Variants in MAGI2 observed in about 807,000 individuals in gnomAD.
MAGI2 encodes membrane-associated guanylate kinase, WW and PDZ domain-containing protein 2.
MAGI2 carries 35 observed loss-of-function variants against 133.3 expected under a neutral mutation model. The observed-to-expected ratio is 0.26, with a 90% CI of 0.20 to 0.35. The LOEUF (loss-of-function observed/expected upper bound fraction) is 0.35, where lower values mean the gene tolerates loss of function less well. Among genes scored for constraint, MAGI2 ranks in the 10% least tolerant of loss-of-function variants. The pLI is 1.00. For synonymous variants in MAGI2, 729 were observed against 710.6 expected, an observed-to-expected ratio of 1.03 and a Z score of -0.41; for missense variants, 1,636 against 1,863.4, an observed-to-expected ratio of 0.88 and a Z score of 2.25.
Position 78,340,960 on chromosome 7 carries a change from A to C in MAGI2, c.1408+2818T>G, listed in dbSNP as rs1477951993. ...TAGTATTGGAAGTTCTGGCTGGGGC[A>C]ATCAGGCAAAAGAAAGAAATAAAGC... On this transcript the variant is annotated intron_variant, in intron 9 of 21. Transcript: ENST00000354212. Among the ~76,000 whole-genome samples, 29 of 152,212 alleles carry C rather than the reference A, an allele frequency of 1.9e-4. 1 individual carries two copies. The highest frequency in any genetic ancestry group is 1.9e-3 in the Admixed American group (29 of 15,280).
At chr7:78,798,680 G>A (rs1043575219) in intron 2 of MAGI2, among the ~76,000 whole-genome samples, 2 of 152,052 alleles carry the variant, frequency 1.3e-5, no homozygotes, top group South Asian at 2.1e-4. Context: ...AATGGAGAAC[G>A]GCCCATTCCT....
At chr7:78,245,912 G>T (rs932635781) in intron 10 of MAGI2, among the ~76,000 whole-genome samples, 1 of 152,118 alleles carries the variant, frequency 6.6e-6, no homozygotes, top group Non-Finnish European at 1.5e-5. Context: ...GCTAGGTTAT[G>T]TCCTGCTCTC....
At chr7:78,164,531 G>T (rs1477851757) in intron 15 of MAGI2, among the ~76,000 whole-genome samples, 2 of 152,212 alleles carry the variant, frequency 1.3e-5, no homozygotes, top group Non-Finnish European at 2.9e-5. Flanking sequence ...TTATTTAAAT[G>T]GGTGACATGG....
chr7:78,704,460 T>C (rs1004410085), intron 2 of MAGI2, among the ~76,000 whole-genome samples: 111 of 152,210 alleles, frequency 7.3e-4, no homozygotes, highest in African/African-American at 2.4e-3. Context: ...ACTTACACGC[T>C]GTTGGTACAA....
chr7:78,774,175 G>A (rs1049598067), intron 2 of MAGI2, among the ~76,000 whole-genome samples: 1 of 152,076 alleles, frequency 6.6e-6, no homozygotes, highest in South Asian at 2.1e-4. Flanking sequence ...AGAACATCTG[G>A]GGATAGAAAC....
At chr7:78,571,384 A>G (rs1801481609) in intron 3 of MAGI2, among the ~76,000 whole-genome samples, 1 of 152,224 alleles carries the variant, frequency 6.6e-6, no homozygotes, top group Admixed American at 6.5e-5. Flanking sequence ...AATAAAGAAC[A>G]TTTGGGGAAT....
intron 1 of MAGI2, among the ~76,000 whole-genome samples, chr7:79,365,040 A>G (rs1328054179): frequency 6.6e-6 from 1 of 152,148 alleles, no homozygotes; most frequent in Non-Finnish European, 1.5e-5. Context: ...CTCAAAATAT[A>G]ACATTGGGAA....
chr7:78,178,581 A>AGTGT (rs3840593), intron 13 of MAGI2, among the ~76,000 whole-genome samples: 1,633 of 149,556 alleles, frequency 0.011, 9 homozygotes, highest in East Asian at 0.028. Flanking sequence ...CCAGTTTAGG[A>AGTGT]GTGTGTGTGT....
intron 3 of MAGI2, among the ~76,000 whole-genome samples, chr7:78,561,985 C>T (rs866736508): frequency 1.3e-5 from 2 of 152,232 alleles, no homozygotes; most frequent in Non-Finnish European, 2.9e-5. Context: ...TCAGGACACA[C>T]CTGCTCCCCT....
intron 1 of MAGI2, among the ~76,000 whole-genome samples, chr7:79,365,212 C>T (rs1420627407): frequency 6.6e-6 from 1 of 152,036 alleles, no homozygotes; most frequent in Non-Finnish European, 1.5e-5. Flanking sequence ...TTCAGAATAG[C>T]TAAATTTAAA....
intron 9 of MAGI2, among the ~76,000 whole-genome samples, chr7:78,284,450 C>CTTT (rs34430968): frequency 1.4e-5 from 2 of 142,848 alleles, no homozygotes; most frequent in East Asian, 2.0e-4. Flanking sequence ...GTTTTCTTTT[C>CTTT]TTTTTTTTTT....
At chr7:78,068,360 A>G (rs1001580391) in intron 21 of MAGI2, among the ~76,000 whole-genome samples, 1 of 152,172 alleles carries the variant, frequency 6.6e-6, no homozygotes, top group Non-Finnish European at 1.5e-5. Flanking sequence ...TGGACCAGTC[A>G]GGATCTGCAG....
intron 1 of MAGI2, among the ~76,000 whole-genome samples, chr7:79,081,539 G>C (rs1271695296): frequency 6.6e-6 from 1 of 152,088 alleles, no homozygotes; most frequent in South Asian, 2.1e-4. Context: ...AATAAGCTTG[G>C]GGAGGGAAAC....
chr7:79,054,534 C>T (rs759503906), intron 1 of MAGI2, among the ~76,000 whole-genome samples: 6 of 152,092 alleles, frequency 3.9e-5, no homozygotes, highest in African/African-American at 1.2e-4. Context: ...TGATTCTTGT[C>T]GATTCCACAG....
intron 2 of MAGI2, among the ~76,000 whole-genome samples, chr7:78,741,437 G>T (rs1360110663): frequency 7.0e-6 from 1 of 143,732 alleles, no homozygotes; most frequent in Non-Finnish European, 1.5e-5. Flanking sequence ...ACGGGAGGGG[G>T]GTTAGATCAT....
intron 1 of MAGI2, among the ~76,000 whole-genome samples, chr7:79,376,027 A>T (rs1246471008): frequency 1.3e-5 from 2 of 151,770 alleles, no homozygotes; most frequent in Admixed American, 6.6e-5. Flanking sequence ...ACCTAGGAAA[A>T]ACCTTTTTTC....
At chr7:78,383,655 T>C (rs1795124503) in intron 6 of MAGI2, among the ~76,000 whole-genome samples, 1 of 152,134 alleles carries the variant, frequency 6.6e-6, no homozygotes, top group Admixed American at 6.6e-5. Flanking sequence ...TTTGAGGTCT[T>C]AGTCATAAAT....
intron 6 of MAGI2, among the ~76,000 whole-genome samples, chr7:78,384,615 T>G (rs17150624): frequency 0.2 from 29,835 of 152,174 alleles, 3,147 homozygotes; most frequent in South Asian, 0.24. Context: ...CTTATTTTTC[T>G]AGTGAAGCAG....
intron 1 of MAGI2, among the ~76,000 whole-genome samples, chr7:79,186,099 A>G (rs1381498787): frequency 1.3e-5 from 2 of 151,012 alleles, no homozygotes; most frequent in Non-Finnish European, 2.9e-5. Context: ...ACATGTGTAG[A>G]CATACAAAGA....
Sources: gnomAD v4.1 joint callset for allele counts (sites outside exome capture counted in the v4.1 genomes callset) on GRCh38, gnomAD v4.1.1 for gene constraint, MANE v1.5 for transcripts, NCBI Gene and HGNC (gene_info 2026-07-23, HGNC 2026-07-21) for gene names.